The following FMN1 variants were observed in gnomAD, a reference collection of about 807,000 sequenced individuals.
FMN1 encodes formin 1, also known as formin-1.
Under a neutral mutation model 132.4 loss-of-function variants are expected in FMN1, and 110 were observed. That is an observed-to-expected ratio of 0.83 (90% confidence interval 0.71 to 0.97). The LOEUF (loss-of-function observed/expected upper bound fraction) is 0.97. Ranked by LOEUF, FMN1 falls within the 50% of genes least tolerant of loss-of-function variation. The pLI is 0.00. For synonymous variants in FMN1, 722 were observed against 651.7 expected (o/e 1.11, Z -1.64); for missense variants, 1,792 against 1,705.3 (o/e 1.05, Z -0.90).
At chr15:32,826,244 ACG>A (rs1187432244) in intron 17 of FMN1, among the ~76,000 whole-genome samples, 1 of 152,180 alleles carries the variant, frequency 6.6e-6, no homozygotes. Flanking sequence ...GTGGGGAGAC[ACG>A]TGAGGTCAAG....
Position 32,773,968 on chromosome 15 carries a change from C to CA in FMN1, c.*341dup, listed in dbSNP as rs1194237575. 6.5e-6 allele frequency: 2 copies of CA among 309,958 alleles called. No individual in the cohort carries two copies. The highest frequency in any genetic ancestry group is 1.2e-5 in the Non-Finnish European group (2 of 169,830). 19.2% of individuals were successfully genotyped at this position (309,958 alleles called of 1,614,324 possible). ...TCTTCTGTGACAATGTGACATATAT[C>CA]AAGCTTTGGTTATAAAGCTGGAAAT... On this transcript the variant is annotated 3_prime_UTR_variant, in exon 21 of 21. Transcript: ENST00000616417.
chr15:32,863,594 A>G (rs1300320066), intron 16 of FMN1, among the ~76,000 whole-genome samples: 2 of 152,226 alleles, frequency 1.3e-5, no homozygotes, highest in African/African-American at 4.8e-5. Context: ...TGAATGGGTC[A>G]CCAACTAAGA....
intron 13 of FMN1, among the ~76,000 whole-genome samples, chr15:32,900,536 T>C (rs1369101512): frequency 6.6e-6 from 1 of 152,220 alleles, no homozygotes; most frequent in Non-Finnish European, 1.5e-5. Flanking sequence ...ACTATTTATC[T>C]AGATAACCAA....
chr15:33,034,991 C>T (rs1164174708), intron 6 of FMN1, among the ~76,000 whole-genome samples: 1 of 152,188 alleles, frequency 6.6e-6, no homozygotes, highest in Non-Finnish European at 1.5e-5. Context: ...TCTGTTTGCA[C>T]CATGGATTCC....
chr15:33,033,282 A>G (rs959270407), intron 6 of FMN1, among the ~76,000 whole-genome samples: 31 of 152,218 alleles, frequency 2.0e-4, no homozygotes, highest in African/African-American at 4.3e-4. Context: ...CGCCCACCTC[A>G]GCCTCCCAAA....
chr15:33,077,028 G>A (rs1357080577), intron 5 of FMN1, among the ~76,000 whole-genome samples: 4 of 152,190 alleles, frequency 2.6e-5, no homozygotes, highest in Non-Finnish European at 4.4e-5. Context: ...CATTGCCACA[G>A]CTATGATCCA....
chr15:32,946,325 G>A (rs1330113082), intron 9 of FMN1, among the ~76,000 whole-genome samples: 1 of 152,076 alleles, frequency 6.6e-6, no homozygotes, highest in African/African-American at 2.4e-5. Flanking sequence ...CATCCATGAA[G>A]AGTGAGCGTC....
At chr15:32,873,272 T>A (rs1376350055) in intron 16 of FMN1, among the ~76,000 whole-genome samples, 2 of 152,212 alleles carry the variant, frequency 1.3e-5, no homozygotes, top group Non-Finnish European at 2.9e-5. Context: ...TTGTCAATTT[T>A]GGGGGAGTAG....
In FMN1 at chr15:33,117,935, G is replaced by T. The variant is rs551460873; in HGVS notation, c.1868-28961C>A. Among the ~76,000 whole-genome samples, 54 of 152,208 alleles carry T rather than the reference G, an allele frequency of 3.5e-4. No homozygotes were observed. In the South Asian group the frequency reaches 0.01, roughly 29 times the overall value. Reference sequence around the variant, plus strand: ...GTTATGGGTGATGGAGTGGCAGTACGGAAGAGAAATAATACTGTTTTTCGT... The same window carrying T: ...GTTATGGGTGATGGAGTGGCAGTACTGAAGAGAAATAATACTGTTTTTCGT... On this transcript the variant is annotated intron_variant, in intron 4 of 20. Transcript: ENST00000616417.
chr15:32,868,571 T>G (rs897331597), intron 16 of FMN1, among the ~76,000 whole-genome samples: 1 of 152,172 alleles, frequency 6.6e-6, no homozygotes, highest in East Asian at 1.9e-4. Flanking sequence ...CATGACTGTA[T>G]GTATGTATAT....
chr15:33,100,223 T>TAAA (rs61200336), intron 4 of FMN1, among the ~76,000 whole-genome samples: 1 of 115,462 alleles, frequency 8.7e-6, no homozygotes, highest in Non-Finnish European at 1.9e-5. Flanking sequence ...ACTTTCACAG[T>TAAA]AAAAAAAAAA....
intron 6 of FMN1, among the ~76,000 whole-genome samples, chr15:33,015,331 G>T (rs745370402): frequency 6.6e-6 from 1 of 152,118 alleles, no homozygotes; most frequent in Non-Finnish European, 1.5e-5. Context: ...ATCACAGGGA[G>T]GTTTGAAGAG....
chr15:33,164,633 G>GA (rs1965026033), intron 3 of FMN1, among the ~76,000 whole-genome samples: 1 of 152,074 alleles, frequency 6.6e-6, no homozygotes, highest in South Asian at 2.1e-4. Context: ...ATTACATAAA[G>GA]AAAAATGAGT....
At chr15:32,783,201 A>C (rs1470886333) in intron 19 of FMN1, among the ~76,000 whole-genome samples, 1 of 151,676 alleles carries the variant, frequency 6.6e-6, no homozygotes, top group Non-Finnish European at 1.5e-5. Flanking sequence ...AAGAATTTGG[A>C]AATATAGGAA....
At chr15:33,045,741 G>A (rs773589162) in intron 6 of FMN1, among the ~76,000 whole-genome samples, 2 of 152,290 alleles carry the variant, frequency 1.3e-5, no homozygotes, top group African/African-American at 2.4e-5. Flanking sequence ...TACTGCAGGG[G>A]TTGAAAAGTT....
At chr15:32,867,698 A>C (rs1243986918) in intron 16 of FMN1, among the ~76,000 whole-genome samples, 1 of 152,066 alleles carries the variant, frequency 6.6e-6, no homozygotes, top group Non-Finnish European at 1.5e-5. Flanking sequence ...TCACCATGTT[A>C]GCCGGGATGG....
intron 16 of FMN1, among the ~76,000 whole-genome samples, chr15:32,887,011 C>G (rs189026232): frequency 6.6e-6 from 1 of 152,012 alleles, no homozygotes; most frequent in East Asian, 1.9e-4. Flanking sequence ...AAAAAACCCA[C>G]GTTCCTTTAA....
chr15:32,831,198 A>C (rs2141159648), intron 17 of FMN1, among the ~76,000 whole-genome samples: 1 of 152,228 alleles, frequency 6.6e-6, no homozygotes, highest in South Asian at 2.1e-4. Context: ...GAGAGTATTA[A>C]ATAAATGTTA....
At chr15:33,108,233 A>C (rs2039559358) in intron 4 of FMN1, among the ~76,000 whole-genome samples, 1 of 152,038 alleles carries the variant, frequency 6.6e-6, no homozygotes, top group African/African-American at 2.4e-5. Context: ...CATTGGCTTA[A>C]CTAGAAAAAA....
Sources: allele counts gnomAD v4.1 joint callset (sites outside exome capture counted in the v4.1 genomes callset), GRCh38; gene constraint gnomAD v4.1.1; transcripts MANE v1.5; gene names NCBI Gene and HGNC (gene_info 2026-07-23, HGNC 2026-07-21).